The following GALNTL6 variants were observed in gnomAD, a reference collection of about 807,000 sequenced individuals.
GALNTL6 encodes the protein polypeptide N-acetylgalactosaminyltransferase-like 6.
GALNTL6 carries 46 observed loss-of-function variants against 73.7 expected under a neutral mutation model. The ratio of observed to expected loss-of-function variants is 0.62; its 90% confidence interval spans 0.49 to 0.80. The LOEUF (loss-of-function observed/expected upper bound fraction) is 0.80. Among genes scored for constraint, GALNTL6 ranks in the 30% least tolerant of loss-of-function variants. The pLI is 0.00. For missense variants in GALNTL6, 604 were observed against 755.0 expected (o/e 0.80, Z 2.34); for synonymous variants, 259 against 263.7 (o/e 0.98, Z 0.17).
chr4:172,138,513 A>ATTTTTTTTTTTTTTTT (rs1169097172), intron 2 of GALNTL6, among the ~76,000 whole-genome samples: 1 of 7,790 alleles, frequency 1.3e-4, no homozygotes, highest in Non-Finnish European at 2.3e-4. Flanking sequence ...ATATATATAT[A>ATTTTTTTTTTTTTTTT]TTTTTTTTTT....
At chr4:171,879,940 A>G (rs1736392764) in intron 2 of GALNTL6, among the ~76,000 whole-genome samples, 1 of 152,164 alleles carries the variant, frequency 6.6e-6, no homozygotes, top group African/African-American at 2.4e-5. Context: ...CTGAAGAAAT[A>G]TTAATATATT....
chr4:172,999,697 T>C (rs897103038), intron 10 of GALNTL6, among the ~76,000 whole-genome samples: 1 of 152,000 alleles, frequency 6.6e-6, no homozygotes, highest in African/African-American at 2.4e-5. Context: ...ATTATACTCA[T>C]GGAAACAGTT....
At chr4:172,561,391 T>A (rs1452008776) in intron 5 of GALNTL6, among the ~76,000 whole-genome samples, 4 of 152,002 alleles carry the variant, frequency 2.6e-5, no homozygotes, top group African/African-American at 9.7e-5. Flanking sequence ...GTTCTTTAAC[T>A]GGGTTAATTT....
chr4:172,398,273 TAAG>T (rs1561064727), intron 5 of GALNTL6, among the ~76,000 whole-genome samples: 1 of 152,178 alleles, frequency 6.6e-6, no homozygotes, highest in East Asian at 1.9e-4. Flanking sequence ...AGTGCTGACT[TAAG>T]AAGTGATCTT....
chr4:172,099,062 A>G (rs954954616), intron 2 of GALNTL6, among the ~76,000 whole-genome samples: 22 of 152,182 alleles, frequency 1.4e-4, no homozygotes, highest in Non-Finnish European at 3.1e-4. Context: ...TGCCAAAGGA[A>G]GACAGTAGAA....
intron 5 of GALNTL6, among the ~76,000 whole-genome samples, chr4:172,751,852 G>A (rs753919003): frequency 6.6e-6 from 1 of 152,064 alleles, no homozygotes; most frequent in Non-Finnish European, 1.5e-5. Flanking sequence ...CTGTCTCTTT[G>A]GCTCATTAAA....
chr4:172,335,300 C>T (rs1029793301), intron 4 of GALNTL6, among the ~76,000 whole-genome samples: 31 of 152,106 alleles, frequency 2.0e-4, no homozygotes, highest in African/African-American at 7.5e-4. Flanking sequence ...CCTAACTGAT[C>T]GTGGTGAATT....
intron 2 of GALNTL6, among the ~76,000 whole-genome samples, chr4:171,896,496 A>G (rs1736921102): frequency 6.6e-6 from 1 of 152,192 alleles, no homozygotes; most frequent in Admixed American, 6.5e-5. Flanking sequence ...AATGACAACA[A>G]TTTATTTCTC....
intron 2 of GALNTL6, among the ~76,000 whole-genome samples, chr4:171,937,877 T>A (rs1268295828): frequency 6.6e-6 from 1 of 152,190 alleles, no homozygotes. Flanking sequence ...TTTTTAATGA[T>A]AAAAAGGCTC....
intron 5 of GALNTL6, among the ~76,000 whole-genome samples, chr4:172,536,717 A>G (rs551236624): frequency 1.3e-5 from 2 of 152,342 alleles, no homozygotes; most frequent in African/African-American, 4.8e-5. Flanking sequence ...ATTGGAACTT[A>G]TGTTTAAAAG....
chr4:172,578,410 A>G (rs543349646), intron 5 of GALNTL6, among the ~76,000 whole-genome samples: 5 of 152,340 alleles, frequency 3.3e-5, no homozygotes, highest in Non-Finnish European at 7.3e-5. Flanking sequence ...TGACATGGTT[A>G]AATGCTGATA....
chr4:172,684,831 C>T (rs1473939393), intron 5 of GALNTL6, among the ~76,000 whole-genome samples: 1 of 152,182 alleles, frequency 6.6e-6, no homozygotes, highest in African/African-American at 2.4e-5. Flanking sequence ...CTGCCTTCTG[C>T]ATCTGAAATG....
chr4:173,002,823 C>T (rs1393971167), intron 10 of GALNTL6, among the ~76,000 whole-genome samples: 1 of 151,006 alleles, frequency 6.6e-6, no homozygotes, highest in African/African-American at 2.4e-5. Flanking sequence ...AGAATATTGG[C>T]CTTAAAAGGA....
At chr4:172,720,514 C>A (rs921984704) in intron 5 of GALNTL6, among the ~76,000 whole-genome samples, 1 of 152,182 alleles carries the variant, frequency 6.6e-6, no homozygotes, top group African/African-American at 2.4e-5. Flanking sequence ...TACCCAGCTC[C>A]TATTCAAGAT....
At chr4:172,662,792 A>G (rs550715442) in intron 5 of GALNTL6, among the ~76,000 whole-genome samples, 1 of 152,324 alleles carries the variant, frequency 6.6e-6, no homozygotes, top group South Asian at 2.1e-4. Flanking sequence ...TAAGCAACCA[A>G]AAAAATAATT....
intron 10 of GALNTL6, among the ~76,000 whole-genome samples, chr4:172,980,763 T>C (rs924906906): frequency 6.6e-6 from 1 of 152,188 alleles, no homozygotes; most frequent in African/African-American, 2.4e-5. Context: ...CAAATACACT[T>C]ACATTGACGG....
intron 10 of GALNTL6, among the ~76,000 whole-genome samples, chr4:172,968,216 A>G (rs1158994693): frequency 6.6e-6 from 1 of 152,182 alleles, no homozygotes; most frequent in East Asian, 1.9e-4. Context: ...GAATTGGTAG[A>G]AAAGAAAAAG....
intron 5 of GALNTL6, among the ~76,000 whole-genome samples, chr4:172,736,160 G>A (rs186520775): frequency 2.0e-4 from 30 of 152,320 alleles, no homozygotes; most frequent in African/African-American, 7.2e-4. Context: ...CAACTGGTCT[G>A]ACTAGAATTT....
intron 2 of GALNTL6, among the ~76,000 whole-genome samples, chr4:171,895,727 C>T (rs1736894478): frequency 6.6e-6 from 1 of 152,062 alleles, no homozygotes; most frequent in South Asian, 2.1e-4. Flanking sequence ...GAAGCCATTT[C>T]TGCAATAGAT....
Sources: gnomAD v4.1 joint callset for allele counts (sites outside exome capture counted in the v4.1 genomes callset) on GRCh38, gnomAD v4.1.1 for gene constraint, MANE v1.5 for transcripts, NCBI Gene and HGNC (gene_info 2026-07-23, HGNC 2026-07-21) for gene names.